DNAH14: variants seen among roughly 807,000 people sequenced by gnomAD.
DNAH14 encodes axonemal beta dynein heavy chain 14.
Under a neutral mutation model 520.9 loss-of-function variants are expected in DNAH14, and 478 were observed. The ratio of observed to expected loss-of-function variants is 0.92; its 90% CI spans 0.85 to 0.99. DNAH14 has a LOEUF of 0.99. Among genes scored for constraint, DNAH14 ranks in the 50% least tolerant of loss-of-function variants. The pLI is 0.00. For synonymous variants in DNAH14, 1,581 were observed against 1,757.2 expected, an observed-to-expected ratio of 0.90 and a Z score of 2.51; for missense variants, 4,831 against 5,234.5, an observed-to-expected ratio of 0.92 and a Z score of 2.38.
At chr1:225,241,589 G>A (rs1189319812) in intron 43 of DNAH14, among the ~76,000 whole-genome samples, 2 of 152,136 alleles carry the variant, frequency 1.3e-5, no homozygotes, top group Non-Finnish European at 2.9e-5. Flanking sequence ...TCTAGATAGT[G>A]TAGCCTACTA....
intron 52 of DNAH14, among the ~76,000 whole-genome samples, chr1:225,274,243 C>G (rs527589952): frequency 2.5e-5 from 3 of 118,362 alleles, no homozygotes; most frequent in African/African-American, 9.7e-5. Flanking sequence ...CTCGTTCTGT[C>G]GCCCAGGCGG....
At chr1:225,129,817 TG>T (rs1278345669) in intron 27 of DNAH14, among the ~76,000 whole-genome samples, 4 of 152,050 alleles carry the variant, frequency 2.6e-5, no homozygotes, top group African/African-American at 9.7e-5. Flanking sequence ...AATTGACAAA[TG>T]GAATCTAATT....
chr1:225,083,871 G>C (rs984352969), intron 20 of DNAH14, among the ~76,000 whole-genome samples: 1 of 152,114 alleles, frequency 6.6e-6, no homozygotes, highest in Non-Finnish European at 1.5e-5. Context: ...CAATTTTAGT[G>C]ATATTTTTAT....
Position 225,002,997 on chromosome 1 carries a change from A to C in DNAH14, c.975+70A>C, listed in dbSNP as rs1161633744. On this transcript the variant is annotated intron_variant, in intron 9 of 85. Coordinates refer to ENST00000682510, the MANE Select transcript of DNAH14 (RefSeq NM_001367479.1). ...ACTAGGAAGAAAAATAGCATTTTGAATTAAAAAATACAGATTTCTAAATTC... is the reference window on the plus strand; with the variant it reads ...ACTAGGAAGAAAAATAGCATTTTGACTTAAAAAATACAGATTTCTAAATTC... 6 of 1,270,504 alleles carry C rather than the reference A, an allele frequency of 4.7e-6. No homozygotes were observed. In the African/African-American group the frequency reaches 9.2e-5, roughly 20 times the overall value. 78.7% of individuals were successfully genotyped at this position (1,270,504 alleles called of 1,614,324 possible).
chr1:225,104,568 TTATTGGTC>T (rs2075840573), intron 23 of DNAH14, among the ~76,000 whole-genome samples: 1 of 152,168 alleles, frequency 6.6e-6, no homozygotes, highest in Non-Finnish European at 1.5e-5. Flanking sequence ...TCAGAGCCTG[TTATTGGTC>T]TATTCAGAGA....
chr1:225,337,558 A>C, intron 67 of DNAH14, 62 bp downstream of exon 67: 1 of 1,354,390 alleles, frequency 7.4e-7, no homozygotes, highest in Non-Finnish European at 1.0e-6. Flanking sequence ...TGCACTGAGC[A>C]TAAAGGCTAA....
At chr1:225,226,697 G>C (rs2090568969) in intron 41 of DNAH14, among the ~76,000 whole-genome samples, 1 of 152,164 alleles carries the variant, frequency 6.6e-6, no homozygotes, top group Non-Finnish European at 1.5e-5. Context: ...AAGTATAGAG[G>C]AAGAAAAGTG....
chr1:225,306,594 C>G (rs1199593252), intron 58 of DNAH14, among the ~76,000 whole-genome samples: 2 of 152,164 alleles, frequency 1.3e-5, no homozygotes, highest in Non-Finnish European at 2.9e-5. Context: ...CCATTCACAG[C>G]CATGTAATCA....
At chr1:225,302,121 A>ATATTATATATGTTTTATATATATAATATG (rs1368204313) in intron 56 of DNAH14, among the ~76,000 whole-genome samples, 16 of 148,310 alleles carry the variant, frequency 1.1e-4, no homozygotes, top group African/African-American at 3.9e-4. Flanking sequence ...TATATAATAT[A>ATATTATATATGTTTTATATATATAATATG]TATTATATAT....
At chr1:225,108,205 G>A (rs1331629837) in intron 23 of DNAH14, among the ~76,000 whole-genome samples, 3 of 152,166 alleles carry the variant, frequency 2.0e-5, no homozygotes, top group Non-Finnish European at 4.4e-5. Flanking sequence ...CAGACTCCAA[G>A]TTCTTCAGCT....
At chr1:225,166,842 C>T (rs1573642296) in intron 35 of DNAH14, among the ~76,000 whole-genome samples, 1 of 152,152 alleles carries the variant, frequency 6.6e-6, no homozygotes, top group East Asian at 1.9e-4. Context: ...TCATATACAG[C>T]CACGAATATT....
chr1:225,337,225 A>G (rs746807336), intron 66 of DNAH14, 41 bp from the exon 67 acceptor site: 5 of 1,477,832 alleles, frequency 3.4e-6, no homozygotes, highest in Non-Finnish European at 4.6e-6. Flanking sequence ...AGATGTGAAG[A>G]CATTTACAAA....
At chr1:225,379,536 T>A (rs1238553654) in intron 79 of DNAH14, among the ~76,000 whole-genome samples, 2 of 150,806 alleles carry the variant, frequency 1.3e-5, no homozygotes, top group African/African-American at 4.9e-5. Context: ...TTTTTTTAAA[T>A]TTTTTTTTTG....
rs2073660438 is a variant in DNAH14 at position 225,085,531 on chromosome 1, T to G, written c.3328-13T>G. The G allele has an allele frequency of 6.5e-7, 1 of 1,533,792 alleles. No individual in the cohort carries two copies. The highest frequency in any genetic ancestry group is 2.0e-5 in the Admixed American group (1 of 50,322). ...GCTATACTGGATACTAAAGAATACT[T>G]TGTTCATTTTAGATGTTTCAGTATG... On this transcript the variant is annotated splice_polypyrimidine_tract_variant and intron_variant, in intron 20 of 85. Coordinates refer to ENST00000682510, the MANE Select transcript of DNAH14 (RefSeq NM_001367479.1).
At chr1:225,326,601 C>T (rs2094676838) in intron 64 of DNAH14, among the ~76,000 whole-genome samples, 1 of 151,764 alleles carries the variant, frequency 6.6e-6, no homozygotes, top group Non-Finnish European at 1.5e-5. Context: ...GAATATCAGC[C>T]CTATTTCTGT....
intron 20 of DNAH14, among the ~76,000 whole-genome samples, chr1:225,083,769 G>C (rs1246119573): frequency 6.6e-6 from 1 of 152,030 alleles, no homozygotes; most frequent in African/African-American, 2.4e-5. Context: ...ATGCCCAAGA[G>C]GAATTCAGCA....
At chr1:225,192,566 C>A (rs183336015) in intron 37 of DNAH14, 130 bp from the exon 38 acceptor site, 1 of 577,698 alleles carries the variant, frequency 1.7e-6, no homozygotes, top group Non-Finnish European at 3.0e-6. Flanking sequence ...TTGCAACTTG[C>A]TACCTTTATA....
chr1:225,041,021 C>G (rs1419180347), intron 12 of DNAH14, among the ~76,000 whole-genome samples: 4 of 152,212 alleles, frequency 2.6e-5, no homozygotes, highest in Non-Finnish European at 4.4e-5. Flanking sequence ...AAGATTCACG[C>G]ATCTATTTCA....
At chr1:225,049,492 C>T (rs532004761) in intron 15 of DNAH14, among the ~76,000 whole-genome samples, 8 of 152,234 alleles carry the variant, frequency 5.3e-5, no homozygotes, top group African/African-American at 1.9e-4. Flanking sequence ...TTCTCCCAAT[C>T]TGTGCCTTAT....
Sources: gnomAD v4.1 joint callset for allele counts (sites outside exome capture counted in the v4.1 genomes callset) on GRCh38, gnomAD v4.1.1 for gene constraint, MANE v1.5 for transcripts, NCBI Gene and HGNC (gene_info 2026-07-23, HGNC 2026-07-21) for gene names.